NKAIN2: variants seen among roughly 807,000 people sequenced by gnomAD.
NKAIN2 encodes sodium/potassium-transporting ATPase subunit beta-1-interacting protein 2.
In NKAIN2, 14 loss-of-function variants were observed where a neutral mutation model predicts 32.6. That is an observed-to-expected ratio of 0.43 (90% CI 0.28 to 0.67). The LOEUF is 0.67. NKAIN2 is among the 30% of genes least tolerant of loss of function. The pLI is 0.17. For synonymous variants in NKAIN2, 80 were observed against 87.2 expected, an observed-to-expected ratio of 0.92 and a Z score of 0.46; for missense variants, 198 against 258.3, an observed-to-expected ratio of 0.77 and a Z score of 1.60.
chr6:124,810,096 C>G (rs1279533948), intron 5 of NKAIN2, among the ~76,000 whole-genome samples: 1 of 152,002 alleles, frequency 6.6e-6, no homozygotes, highest in Non-Finnish European at 1.5e-5. Flanking sequence ...GGATCTAGAA[C>G]TAGAAATACC....
intron 1 of NKAIN2, among the ~76,000 whole-genome samples, chr6:123,952,910 C>CACTGTATTACTTTG (rs1777394305): frequency 6.6e-6 from 1 of 152,082 alleles, no homozygotes; most frequent in Non-Finnish European, 1.5e-5. Context: ...GTTGGAGAGT[C>CACTGTATTACTTTG]ACTGTATTAC....
In NKAIN2 at chr6:124,009,837, A is replaced by G. The variant is rs1176363910; in HGVS notation, c.54+205583A>G. On this transcript the variant is annotated intron_variant, in intron 1 of 6. Transcript: ENST00000368417. ...ATTTTGTCACCTGCAGTCACCCCAT[A>G]TACATATGAGATTTATGGACAAAGA... Among the ~76,000 whole-genome samples, 10 of 152,250 alleles carry G rather than the reference A, an allele frequency of 6.6e-5. No individual in the cohort carries two copies. In the East Asian group the frequency reaches 1.9e-3, roughly 29 times the overall value.
At chr6:124,103,878 G>C (rs983522413) in intron 1 of NKAIN2, among the ~76,000 whole-genome samples, 3 of 152,052 alleles carry the variant, frequency 2.0e-5, no homozygotes, top group African/African-American at 7.2e-5. Flanking sequence ...ATGAGATCAG[G>C]AGATCGAGAC....
chr6:124,259,085 A>G (rs1794095356), intron 1 of NKAIN2, among the ~76,000 whole-genome samples: 1 of 152,206 alleles, frequency 6.6e-6, no homozygotes, highest in Admixed American at 6.5e-5. Context: ...GGTTTACCTC[A>G]GTACACCACT....
chr6:124,412,142 C>T (rs113314765), intron 3 of NKAIN2, among the ~76,000 whole-genome samples: 32 of 152,222 alleles, frequency 2.1e-4, no homozygotes, highest in African/African-American at 6.5e-4. Flanking sequence ...TCCTTTAGCT[C>T]GGAGTAGTTC....
At chr6:123,923,728 G>A (rs1775870024) in intron 1 of NKAIN2, among the ~76,000 whole-genome samples, 1 of 146,666 alleles carries the variant, frequency 6.8e-6, no homozygotes, top group South Asian at 2.2e-4. Context: ...ACTCATAGGT[G>A]GGAATTGAAC....
At chr6:124,662,557 A>T (rs918859580) in intron 4 of NKAIN2, among the ~76,000 whole-genome samples, 3 of 152,342 alleles carry the variant, frequency 2.0e-5, no homozygotes, top group African/African-American at 7.2e-5. Context: ...GAGGAAAAAA[A>T]TGTAGATAAA....
intron 4 of NKAIN2, among the ~76,000 whole-genome samples, chr6:124,717,472 G>T (rs879693505): frequency 1.3e-5 from 2 of 152,084 alleles, no homozygotes; most frequent in Non-Finnish European, 2.9e-5. Flanking sequence ...ATATTCATTC[G>T]TGTTGAGTTC....
chr6:124,200,934 C>T (rs1790560810), intron 1 of NKAIN2, among the ~76,000 whole-genome samples: 2 of 152,006 alleles, frequency 1.3e-5, no homozygotes, highest in East Asian at 1.9e-4. Flanking sequence ...TAGGAAAAAG[C>T]CGTCTTCATT....
intron 1 of NKAIN2, among the ~76,000 whole-genome samples, chr6:124,117,337 T>A (rs2114981806): frequency 6.6e-6 from 1 of 152,284 alleles, no homozygotes; most frequent in Middle Eastern, 3.4e-3. Context: ...ATCTGTTTGA[T>A]TGATAGCATC....
intron 1 of NKAIN2, among the ~76,000 whole-genome samples, chr6:124,077,003 T>A (rs1354341876): frequency 2.0e-5 from 3 of 152,144 alleles, no homozygotes; most frequent in Admixed American, 1.3e-4. Context: ...AACTATTTTT[T>A]AGATGAATGT....
chr6:124,406,872 A>G (rs480971), intron 3 of NKAIN2, among the ~76,000 whole-genome samples: 37,099 of 151,960 alleles, frequency 0.24, 4,677 homozygotes, highest in Non-Finnish European at 0.27. Flanking sequence ...CTATATATCT[A>G]TATATCTTCT....
intron 1 of NKAIN2, among the ~76,000 whole-genome samples, chr6:124,020,699 G>A (rs184690904): frequency 1.3e-5 from 2 of 152,136 alleles, no homozygotes; most frequent in East Asian, 3.9e-4. Context: ...AATACTCATT[G>A]TACCTTTCTT....
chr6:123,990,291 G>A (rs1363105425), intron 1 of NKAIN2, among the ~76,000 whole-genome samples: 4 of 152,172 alleles, frequency 2.6e-5, no homozygotes, highest in Non-Finnish European at 4.4e-5. Flanking sequence ...AAAACGTGTA[G>A]TTTGTGCTAG....
At chr6:124,391,330 G>A (rs748385434) in intron 3 of NKAIN2, among the ~76,000 whole-genome samples, 15 of 152,146 alleles carry the variant, frequency 9.9e-5, no homozygotes, top group Non-Finnish European at 1.3e-4. Flanking sequence ...GCAGGTGTCT[G>A]TAATCACTCT....
At chr6:124,660,120 G>A (rs1784693341) in intron 4 of NKAIN2, among the ~76,000 whole-genome samples, 1 of 151,894 alleles carries the variant, frequency 6.6e-6, no homozygotes, top group Non-Finnish European at 1.5e-5. Context: ...CTGTGATTTG[G>A]GGTCAGATAA....
At chr6:124,347,177 G>T (rs1359173836) in intron 2 of NKAIN2, among the ~76,000 whole-genome samples, 1 of 152,168 alleles carries the variant, frequency 6.6e-6, no homozygotes, top group Non-Finnish European at 1.5e-5. Context: ...CTCTCTTCTG[G>T]CTTGTAGAGT....
intron 3 of NKAIN2, among the ~76,000 whole-genome samples, chr6:124,444,067 T>C (rs1775795768): frequency 6.6e-6 from 1 of 152,050 alleles, no homozygotes; most frequent in South Asian, 2.1e-4. Flanking sequence ...GCAAGCTTCA[T>C]GAAATAAAGG....
At chr6:124,162,836 A>C (rs1021179204) in intron 1 of NKAIN2, among the ~76,000 whole-genome samples, 2 of 152,068 alleles carry the variant, frequency 1.3e-5, no homozygotes, top group African/African-American at 2.4e-5. Context: ...GTAAACAGAT[A>C]ATGTGTTCAT....
Sources: allele counts gnomAD v4.1 joint callset (sites outside exome capture counted in the v4.1 genomes callset), GRCh38; gene constraint gnomAD v4.1.1; transcripts MANE v1.5; gene names NCBI Gene and HGNC (gene_info 2026-07-23, HGNC 2026-07-21).